HTR7: variants seen among roughly 807,000 people sequenced by gnomAD.
HTR7 encodes 5-HT-7.
HTR7 carries 16 observed loss-of-function variants against 34.0 expected under a neutral mutation model. That is an observed-to-expected ratio of 0.47 (90% CI 0.32 to 0.71). The LOEUF (loss-of-function observed/expected upper bound fraction) is 0.71, where lower values mean the gene tolerates loss of function less well. HTR7 is among the 30% of genes least tolerant of loss of function. The pLI is 0.04. For missense variants in HTR7, 504 were observed against 625.5 expected (o/e 0.81, Z 2.07); for synonymous variants, 265 against 260.2 (o/e 1.02, Z -0.18).
chr10:90,746,021 C>T (rs1248379406), intron 2 of HTR7, among the ~76,000 whole-genome samples: 2 of 152,192 alleles, frequency 1.3e-5, no homozygotes, highest in Non-Finnish European at 2.9e-5. Context: ...ATAAAAGGCA[C>T]AGTAGCATAG....
At chr10:90,821,451 C>T (rs1845979491) in intron 1 of HTR7, among the ~76,000 whole-genome samples, 1 of 152,206 alleles carries the variant, frequency 6.6e-6, no homozygotes, top group South Asian at 2.1e-4. Context: ...CCAACCCTAG[C>T]CAAAGGGGAA....
At chr10:90,829,480 C>T (rs1589471182) in intron 1 of HTR7, among the ~76,000 whole-genome samples, 1 of 152,048 alleles carries the variant, frequency 6.6e-6, no homozygotes, top group Non-Finnish European at 1.5e-5. Context: ...CACCCTTCAA[C>T]CTGTCACCTA....
intron 1 of HTR7, among the ~76,000 whole-genome samples, chr10:90,788,804 A>C (rs894333918): frequency 7.2e-5 from 11 of 152,224 alleles, no homozygotes; most frequent in Non-Finnish European, 1.5e-4. Flanking sequence ...GCAAAGAAAA[A>C]CAGAAGAGAG....
intron 1 of HTR7, among the ~76,000 whole-genome samples, chr10:90,815,028 A>T (rs1845876339): frequency 1.3e-5 from 2 of 152,232 alleles, no homozygotes; most frequent in South Asian, 4.2e-4. Flanking sequence ...TCATAAAAGA[A>T]GTTTCTGGGA....
Position 90,792,175 on chromosome 10 carries a change from T to A in HTR7, c.540-42581A>T, listed in dbSNP as rs904071647. ...CATAATTATGAATCCATGAATCAAA[T>A]TTTCAAATTTCTTGCCTTCCAGTCC... On this transcript the variant is annotated intron_variant, in intron 1 of 3. Coordinates refer to ENST00000336152, the MANE Select transcript of HTR7 (RefSeq NM_019859.4). Among the ~76,000 whole-genome samples the A allele has an allele frequency of 3.3e-5, 5 of 152,266 alleles. No individual in the cohort carries two copies. In the East Asian group the frequency reaches 9.6e-4, roughly 29 times the overall value.
At chr10:90,779,968 A>G (rs1298840177) in intron 1 of HTR7, among the ~76,000 whole-genome samples, 1 of 152,150 alleles carries the variant, frequency 6.6e-6, no homozygotes, top group Admixed American at 6.5e-5. Context: ...TTCACCCTCC[A>G]GCCCTGCATG....
chr10:90,813,521 C>CAA (rs55804411), intron 1 of HTR7, among the ~76,000 whole-genome samples: 45 of 131,412 alleles, frequency 3.4e-4, no homozygotes, highest in Non-Finnish European at 4.5e-4. Context: ...GACTCCGTGT[C>CAA]AAAAAAAAAA....
rs150729685 is a variant in HTR7, at chr10:90,858,003, G to C, written c.-332C>G. Among the ~76,000 whole-genome samples, 4,972 of 150,150 alleles carry C rather than the reference G, an allele frequency of 0.033. 101 individuals are homozygous for C. The highest frequency in any genetic ancestry group is 0.094 in the Middle Eastern group (27 of 288). On this transcript the variant is annotated 5_prime_UTR_variant, in exon 1 of 4. Coordinates refer to ENST00000336152, the MANE Select transcript of HTR7 (RefSeq NM_019859.4). ...CGCAGCAGCAGCTCGGCTGCGCCGA[G>C]AGCGCCCGGGCGGCAGCGGCAGAAG...
intron 2 of HTR7, 178 bp from the exon 3 acceptor site, chr10:90,743,868 C>T (rs1223472931): frequency 2.8e-6 from 2 of 715,908 alleles, no homozygotes; most frequent in Non-Finnish European, 5.1e-6. Flanking sequence ...AAAGTATTCA[C>T]AGCTTTTCCT....
In HTR7 at chr10:90,749,585, C is replaced by G. The variant is rs762643552; in HGVS notation, c.549G>C (p.Gly183=). The change falls in exon 2 of 4, where the codon GGG becomes GGC. Residue 183 remains glycine (G), a synonymous_variant. Transcript: ENST00000336152. The surrounding 1 kb of genome is among the most constrained non-coding windows in gnomAD (Gnocchi z 4.2). ...CAGGGTATGTGAGGGGCCTTGTGAT[C>G]CCAAGGTACCTAGTGGAGAGATGGA... is the stretch of plus-strand genomic sequence containing the variant. ...LCVISIDRYL[G]ITRPLTYPVR... The G allele has an allele frequency of 6.2e-7, 1 of 1,608,188 alleles. No homozygotes were observed. The highest frequency in any genetic ancestry group is 1.7e-5 in the Admixed American group (1 of 59,748).
At chr10:90,838,224 A>G (rs1846280244) in intron 1 of HTR7, among the ~76,000 whole-genome samples, 1 of 152,160 alleles carries the variant, frequency 6.6e-6, no homozygotes, top group South Asian at 2.1e-4. Context: ...TTTACCACCA[A>G]TTCTACTACC....
intron 1 of HTR7, among the ~76,000 whole-genome samples, chr10:90,835,011 AG>A (rs1846232798): frequency 6.6e-6 from 1 of 152,224 alleles, no homozygotes; most frequent in South Asian, 2.1e-4. Context: ...ATTCCCTGGA[AG>A]AAGAATCAAG....
intron 1 of HTR7, among the ~76,000 whole-genome samples, chr10:90,775,832 A>G (rs1845198044): frequency 6.6e-6 from 1 of 152,226 alleles, no homozygotes; most frequent in Non-Finnish European, 1.5e-5. Flanking sequence ...GAATGTTTCA[A>G]TTACTTGGTT....
chr10:90,818,707 A>G (rs904885985), intron 1 of HTR7, among the ~76,000 whole-genome samples: 28 of 152,118 alleles, frequency 1.8e-4, no homozygotes, highest in African/African-American at 5.1e-4. Context: ...CAGCCTCCAG[A>G]ACCATGAACT....
intron 1 of HTR7, among the ~76,000 whole-genome samples, chr10:90,777,503 T>C (rs1471951645): frequency 7.0e-6 from 1 of 142,890 alleles, no homozygotes; most frequent in African/African-American, 2.6e-5. Context: ...AAAAAAAAGA[T>C]GCCTCCTACA....
chr10:90,745,085 T>G (rs1241155791), intron 2 of HTR7, among the ~76,000 whole-genome samples: 1 of 152,242 alleles, frequency 6.6e-6, no homozygotes, highest in Non-Finnish European at 1.5e-5. Context: ...TTGAATCCCA[T>G]AGTTTTTCCT....
At chr10:90,812,538 A>G (rs1017573192) in intron 1 of HTR7, among the ~76,000 whole-genome samples, 64 of 152,178 alleles carry the variant, frequency 4.2e-4, no homozygotes, top group African/African-American at 1.4e-3. Context: ...TAGTTTTTCA[A>G]TTCATACAAA....
At chr10:90,843,633 C>T (rs1275321912) in intron 1 of HTR7, among the ~76,000 whole-genome samples, 1 of 150,540 alleles carries the variant, frequency 6.6e-6, no homozygotes, top group Non-Finnish European at 1.5e-5. Context: ...CAGTATGGTA[C>T]ATGACTGGTT....
intron 1 of HTR7, among the ~76,000 whole-genome samples, chr10:90,851,723 A>G (rs1846503737): frequency 6.6e-6 from 1 of 152,228 alleles, no homozygotes; most frequent in Non-Finnish European, 1.5e-5. Context: ...TGTGTCCCCA[A>G]CCAAATCTCA....
Sources: gnomAD v4.1 joint callset for allele counts (sites outside exome capture counted in the v4.1 genomes callset) on GRCh38, gnomAD v4.1.1 for gene constraint, Gnocchi (gnomAD v3.1) non-coding constraint, MANE v1.5 for transcripts, NCBI Gene and HGNC (gene_info 2026-07-23, HGNC 2026-07-21) for gene names.